Variants in CCBE1 observed in about 807,000 individuals in gnomAD.
CCBE1 encodes the protein collagen and calcium binding EGF domains 1.
A neutral mutation model predicts 50.0 loss-of-function variants in CCBE1; 37 were observed. That is an observed-to-expected ratio of 0.74 (90% CI 0.57 to 0.97). The LOEUF (loss-of-function observed/expected upper bound fraction) is 0.97, where lower values mean the gene tolerates loss of function less well. Among genes scored for constraint, CCBE1 ranks in the 50% least tolerant of loss-of-function variants. CCBE1 has a pLI of 0.00. For missense variants in CCBE1, 538 were observed against 523.8 expected, an observed-to-expected ratio of 1.03 and a Z score of -0.26; for synonymous variants, 234 against 203.7, an observed-to-expected ratio of 1.15 and a Z score of -1.27.
chr18:59,654,651 G>A (rs543352128), intron 2 of CCBE1, among the ~76,000 whole-genome samples: 1 of 151,704 alleles, frequency 6.6e-6, no homozygotes, highest in African/African-American at 2.4e-5. Context: ...AATTAGCCGG[G>A]CATGGTCGCA....
intron 2 of CCBE1, chr18:59,568,551 CCTTT>C (rs2052862845): frequency 6.6e-6 from 1 of 152,144 alleles, no homozygotes; most frequent in African/African-American, 2.4e-5. Context: ...CTGATTACTC[CCTTT>C]CTTGATCATG....
At chr18:59,563,109 C>T (rs2052766584) in intron 2 of CCBE1, among the ~76,000 whole-genome samples, 2 of 152,178 alleles carry the variant, frequency 1.3e-5, no homozygotes, top group South Asian at 4.1e-4. Context: ...TACAACCCCA[C>T]CAGGTGGGTG....
At chr18:59,523,635 C>T (rs1016610161) in intron 2 of CCBE1, among the ~76,000 whole-genome samples, 2 of 152,006 alleles carry the variant, frequency 1.3e-5, no homozygotes, top group Non-Finnish European at 2.9e-5. Flanking sequence ...ACTTGATTGT[C>T]AAGGTTATTT....
chr18:59,512,392 C>A (rs1000413155), intron 2 of CCBE1, among the ~76,000 whole-genome samples: 2 of 152,252 alleles, frequency 1.3e-5, no homozygotes, highest in Admixed American at 1.3e-4. Context: ...CATCTGTATG[C>A]TCCCCTCAAG....
At chr18:59,590,840 T>C (rs1156488479) in intron 2 of CCBE1, among the ~76,000 whole-genome samples, 1 of 152,174 alleles carries the variant, frequency 6.6e-6, no homozygotes, top group Non-Finnish European at 1.5e-5. Context: ...GATACAGACT[T>C]CACTCCATAC....
intron 2 of CCBE1, among the ~76,000 whole-genome samples, chr18:59,542,107 G>A (rs1263641880): frequency 1.3e-5 from 2 of 150,978 alleles, no homozygotes; most frequent in African/African-American, 4.9e-5. Context: ...CCAGGAGGTC[G>A]AGGCTGCAGT....
chr18:59,632,855 C>T (rs747067833), intron 2 of CCBE1, among the ~76,000 whole-genome samples: 8 of 152,092 alleles, frequency 5.3e-5, no homozygotes, highest in Non-Finnish European at 1.2e-4. Context: ...GTGATCCACC[C>T]TCCTCTGCCT....
intron 2 of CCBE1, among the ~76,000 whole-genome samples, chr18:59,578,636 C>T (rs2435195): frequency 2.9e-4 from 44 of 152,286 alleles, no homozygotes; most frequent in African/African-American, 7.2e-4. Context: ...GATGAGTTCA[C>T]GTCCTTTGCA....
intron 2 of CCBE1, among the ~76,000 whole-genome samples, chr18:59,562,854 C>T (rs2052760749): frequency 6.6e-6 from 1 of 151,822 alleles, no homozygotes; most frequent in Non-Finnish European, 1.5e-5. Flanking sequence ...TCCTCTGTGC[C>T]ATCACTGAGC....
intron 2 of CCBE1, among the ~76,000 whole-genome samples, chr18:59,683,879 C>T (rs1294540385): frequency 6.6e-6 from 1 of 152,006 alleles, no homozygotes; most frequent in East Asian, 1.9e-4. Flanking sequence ...ACCTCACCCC[C>T]TACATCAGTG....
chr18:59,451,705 A>G (rs912217013), intron 6 of CCBE1, among the ~76,000 whole-genome samples: 2 of 152,214 alleles, frequency 1.3e-5, no homozygotes, highest in African/African-American at 4.8e-5. Flanking sequence ...ATAACTTAGC[A>G]AATTGTTATA....
chr18:59,631,462 C>G (rs1034308177), intron 2 of CCBE1, among the ~76,000 whole-genome samples: 5 of 152,030 alleles, frequency 3.3e-5, no homozygotes, highest in African/African-American at 1.2e-4. Flanking sequence ...GAGAGGACAA[C>G]ATAGTATTGG....
intron 2 of CCBE1, among the ~76,000 whole-genome samples, chr18:59,555,871 G>A (rs1351987943): frequency 6.6e-6 from 1 of 152,192 alleles, no homozygotes; most frequent in Non-Finnish European, 1.5e-5. Flanking sequence ...GACCAATTCT[G>A]TTTGTTATAA....
intron 2 of CCBE1, among the ~76,000 whole-genome samples, chr18:59,631,374 T>C (rs2053846311): frequency 6.6e-6 from 1 of 152,204 alleles, no homozygotes; most frequent in African/African-American, 2.4e-5. Context: ...TAAACTTCCT[T>C]TGTTGGCTGT....
chr18:59,663,313 G>A (rs1160076971), intron 2 of CCBE1, among the ~76,000 whole-genome samples: 3 of 152,090 alleles, frequency 2.0e-5, no homozygotes, highest in Admixed American at 2.0e-4. Context: ...TAGTAATGAG[G>A]GTGTGAACTT....
chr18:59,618,634 G>T (rs1194596043), intron 2 of CCBE1, among the ~76,000 whole-genome samples: 1 of 151,952 alleles, frequency 6.6e-6, no homozygotes, highest in Non-Finnish European at 1.5e-5. Flanking sequence ...TGCCATGTTG[G>T]CCAGGCTGGT....
intron 2 of CCBE1, among the ~76,000 whole-genome samples, chr18:59,549,364 T>G (rs961952984): frequency 6.6e-6 from 1 of 152,114 alleles, no homozygotes; most frequent in African/African-American, 2.4e-5. Flanking sequence ...GAATTTCAGG[T>G]CAAACTCCAG....
chr18:59,550,413 GT>G (rs1319385191), intron 2 of CCBE1, among the ~76,000 whole-genome samples: 1 of 152,218 alleles, frequency 6.6e-6, no homozygotes, highest in Non-Finnish European at 1.5e-5. Flanking sequence ...CCTTTAGAGA[GT>G]TTTCTGGATC....
chr18:59,509,312 A>ATATCTGCATTTATATATT (rs2144290494), intron 2 of CCBE1, among the ~76,000 whole-genome samples: 1 of 134,882 alleles, frequency 7.4e-6, no homozygotes, highest in African/African-American at 2.5e-5. Flanking sequence ...AATAAAAATC[A>ATATCTGCATTTATATATT]TATATATACA....
Sources: gnomAD v4.1 joint callset for allele counts (sites outside exome capture counted in the v4.1 genomes callset) on GRCh38, gnomAD v4.1.1 for gene constraint, MANE v1.5 for transcripts, NCBI Gene and HGNC (gene_info 2026-07-23, HGNC 2026-07-21) for gene names.